Variants in IFT88 observed in about 807,000 individuals in gnomAD.
IFT88 encodes the protein intraflagellar transport protein 88 homolog.
Under a neutral mutation model 119.5 loss-of-function variants are expected in IFT88, and 74 were observed. The observed-to-expected ratio is 0.62, with a 90% CI of 0.51 to 0.75. The LOEUF (loss-of-function observed/expected upper bound fraction) is 0.75, where lower values mean the gene tolerates loss of function less well. Among genes scored for constraint, IFT88 ranks in the 30% least tolerant of loss-of-function variants. IFT88 has a pLI of 0.00. For missense variants in IFT88, 961 were observed against 977.7 expected, an observed-to-expected ratio of 0.98 and a Z score of 0.23; for synonymous variants, 279 against 316.7, an observed-to-expected ratio of 0.88 and a Z score of 1.26.
chr13:20,635,024 C>T (rs930352595), intron 16 of IFT88, among the ~76,000 whole-genome samples: 17 of 147,098 alleles, frequency 1.2e-4, no homozygotes, highest in Middle Eastern at 3.5e-3. Context: ...TGTTCAATTC[C>T]CACCTATGAG....
chr13:20,678,615 C>T (rs2056970669), intron 24 of IFT88, among the ~76,000 whole-genome samples: 1 of 152,174 alleles, frequency 6.6e-6, no homozygotes, highest in Non-Finnish European at 1.5e-5. Flanking sequence ...TGCCCTGCTC[C>T]AGTAAACCAA....
chr13:20,597,754 A>AAATAT (rs1446969137), intron 9 of IFT88, among the ~76,000 whole-genome samples: 4 of 142,590 alleles, frequency 2.8e-5, no homozygotes, highest in Non-Finnish European at 4.6e-5. Flanking sequence ...TCAAAAAAAA[A>AAATAT]ATATATATAT....
rs925225410 is a variant in IFT88 at position 20,567,667 on chromosome 13, T to C, written c.-7+411T>C. ...GCACATCGCTCTTTAATTTTCTTGTTAGGTGAAGCACTTCAAATTGCCTGA... is the reference window on the plus strand; with the variant it reads ...GCACATCGCTCTTTAATTTTCTTGTCAGGTGAAGCACTTCAAATTGCCTGA... On this transcript the variant is annotated intron_variant, in intron 1 of 25. Coordinates refer to ENST00000351808, the MANE Select transcript of IFT88 (RefSeq NM_006531.5). 6.0e-6 allele frequency: 6 copies of C among 1,004,058 alleles called. No homozygotes were observed. The African/African-American group carries it at 8.4e-5, about 14-fold the overall frequency. 62.2% of individuals were successfully genotyped at this position (1,004,058 alleles called of 1,614,324 possible). A position where few individuals can be genotyped will look rare whatever the true frequency, so the allele number is the denominator to read the frequency against.
At chr13:20,572,215 T>C (rs2036504827) in intron 1 of IFT88, among the ~76,000 whole-genome samples, 1 of 152,172 alleles carries the variant, frequency 6.6e-6, no homozygotes, top group East Asian at 1.9e-4. Flanking sequence ...TCAATCCATC[T>C]ATCAAGCCAT....
At chr13:20,677,313 C>A (rs917170150) in intron 24 of IFT88, among the ~76,000 whole-genome samples, 1 of 152,140 alleles carries the variant, frequency 6.6e-6, no homozygotes, top group Non-Finnish European at 1.5e-5. Flanking sequence ...GGGTTGAAAT[C>A]AAACTGAGAA....
chr13:20,576,589 A>C (rs749658340), intron 2 of IFT88, among the ~76,000 whole-genome samples: 1 of 152,064 alleles, frequency 6.6e-6, no homozygotes, highest in African/African-American at 2.4e-5. Flanking sequence ...CTGCATGTGG[A>C]TATTCAATTT....
chr13:20,687,718 T>C (rs2058075415), intron 24 of IFT88, among the ~76,000 whole-genome samples: 1 of 142,498 alleles, frequency 7.0e-6, no homozygotes, highest in Admixed American at 6.9e-5. Context: ...ATATGTTGCG[T>C]GTTAAAAAAA....
At chr13:20,575,489 T>C (rs73431314) in intron 2 of IFT88, among the ~76,000 whole-genome samples, 407 of 152,300 alleles carry the variant, frequency 2.7e-3, no homozygotes, top group African/African-American at 8.9e-3. Context: ...TCATGTTGAA[T>C]TGTAATACCC....
chr13:20,626,243 A>G (rs1306869119), intron 15 of IFT88, among the ~76,000 whole-genome samples: 4 of 151,154 alleles, frequency 2.6e-5, no homozygotes, highest in South Asian at 2.1e-4. Context: ...TGTATTTTTA[A>G]TACAGATGGG....
At chr13:20,605,329 A>G (rs976879049) in intron 13 of IFT88, among the ~76,000 whole-genome samples, 1 of 152,180 alleles carries the variant, frequency 6.6e-6, no homozygotes, top group African/African-American at 2.4e-5. Context: ...CTCTTTTCTC[A>G]TTCAGAATAA....
At position 20,643,559 on chromosome 13, in the gene IFT88, A is replaced by G. The variant is rs746946612; in HGVS notation, c.1787A>G (p.Tyr596Cys). 1 of 1,610,126 alleles carries G rather than the reference A, an allele frequency of 6.2e-7. No individual in the cohort carries two copies. The highest frequency in any genetic ancestry group is 8.5e-7 in the Non-Finnish European group (1 of 1,176,666). Residue 596 changes from tyrosine (Y) to cysteine (C), a missense_variant, in exon 19 of 26, where the codon TAT becomes TGT. Physicochemically the swap from Tyr to Cys is radical, Grantham distance 194 (BLOSUM62 -2). Transcript: ENST00000351808. The part of the protein sequence containing the change: ...PQVLSKLGEL[Y>C]DREGDKSQAF... The stretch of plus-strand genomic sequence containing the variant: ...GTTTTATCTAAGCTAGGAGAATTAT[A>G]TGATCGTGAAGGAGATAAATCTCAA...
At chr13:20,584,423 T>C in intron 3 of IFT88, among the ~76,000 whole-genome samples, 1 of 152,314 alleles carries the variant, frequency 6.6e-6, no homozygotes, top group South Asian at 2.1e-4. Context: ...CAGAATATTG[T>C]TTACCTAAAA....
intron 9 of IFT88, among the ~76,000 whole-genome samples, chr13:20,597,626 C>T (rs1210254963): frequency 2.6e-5 from 4 of 151,922 alleles, no homozygotes; most frequent in East Asian, 1.9e-4. Flanking sequence ...CGCCTGTAGT[C>T]CCAGCTACTT....
chr13:20,690,990 ATTGG>A, intron 25 of IFT88, 60 bp from the exon 26 acceptor site: 1 of 1,579,518 alleles, frequency 6.3e-7, no homozygotes, highest in Non-Finnish European at 8.6e-7. Context: ...TATGAGCCTG[ATTGG>A]TTTCACATTT....
At chr13:20,651,427 CAT>C (rs555689394) in intron 20 of IFT88, among the ~76,000 whole-genome samples, 69 of 145,836 alleles carry the variant, frequency 4.7e-4, no homozygotes, top group African/African-American at 1.1e-3. Context: ...GATACTTACA[CAT>C]GTTTGTGTAA....
chr13:20,651,787 T>A (rs1211004065), intron 20 of IFT88, among the ~76,000 whole-genome samples: 1 of 152,150 alleles, frequency 6.6e-6, no homozygotes, highest in Non-Finnish European at 1.5e-5. Flanking sequence ...ATAGTATATA[T>A]AGGGTTCAGT....
chr13:20,567,559 C>A, intron 1 of IFT88: 1 of 182,868 alleles, frequency 5.5e-6, no homozygotes, highest in Non-Finnish European at 1.1e-5. Flanking sequence ...GGCGATGTCC[C>A]AAGTCCCAGT....
chr13:20,611,514 C>CAA (rs56062553), intron 13 of IFT88, among the ~76,000 whole-genome samples: 9 of 59,066 alleles, frequency 1.5e-4, no homozygotes, highest in African/African-American at 3.5e-4. Flanking sequence ...GACCCAGTCT[C>CAA]AAAAAAAAAA....
At chr13:20,680,984 A>G (rs2057264631) in intron 24 of IFT88, among the ~76,000 whole-genome samples, 1 of 152,240 alleles carries the variant, frequency 6.6e-6, no homozygotes, top group Admixed American at 6.5e-5. Context: ...ATTTAAAGTC[A>G]GTAATGCTAG....
Sources: gnomAD v4.1 joint callset for allele counts (sites outside exome capture counted in the v4.1 genomes callset) on GRCh38, gnomAD v4.1.1 for gene constraint, MANE v1.5 for transcripts, NCBI Gene and HGNC (gene_info 2026-07-23, HGNC 2026-07-21) for gene names.